Variants in LARP4 observed in about 807,000 individuals in gnomAD.
LARP4 encodes la-related protein 4.
LARP4 carries 29 observed loss-of-function variants against 92.9 expected under a neutral mutation model. That is an observed-to-expected ratio of 0.31 (90% CI 0.23 to 0.43). The LOEUF is 0.43. Among genes scored for constraint, LARP4 ranks in the 20% least tolerant of loss-of-function variants. LARP4 has a pLI of 1.00. For synonymous variants in LARP4, 279 were observed against 284.1 expected, an observed-to-expected ratio of 0.98 and a Z score of 0.18; for missense variants, 732 against 860.0, an observed-to-expected ratio of 0.85 and a Z score of 1.86.
In LARP4 at chr12:50,477,150, A is replaced by G. The variant is rs760781480; in HGVS notation, c.*1286A>G. ...GGAATTCACTGAAACAGTACCAGCA[A>G]GTCATGAGATTTTTTAGTAAAGATG... On this transcript the variant is annotated 3_prime_UTR_variant, in exon 16 of 16. Transcript: ENST00000398473. The G allele has an allele frequency of 6.6e-5, 10 of 152,566 alleles. No individual in the cohort carries two copies. The highest frequency in any genetic ancestry group is 1.5e-4 in the Non-Finnish European group (10 of 68,006). The allele number at this position is 152,566 out of a possible 1,614,324, so 9.5% of individuals were successfully genotyped here.
intron 1 of LARP4, among the ~76,000 whole-genome samples, chr12:50,415,233 A>G (rs1386639078): frequency 2.0e-5 from 3 of 152,062 alleles, no homozygotes; most frequent in Non-Finnish European, 1.5e-5. Flanking sequence ...ATAAAATAAA[A>G]TGTATAGTCT....
intron 1 of LARP4, among the ~76,000 whole-genome samples, chr12:50,413,428 CAGAT>C (rs1198086019): frequency 6.6e-6 from 1 of 152,114 alleles, no homozygotes; most frequent in Non-Finnish European, 1.5e-5. Context: ...TACAGTATCA[CAGAT>C]AGTGAACATT....
intron 1 of LARP4, among the ~76,000 whole-genome samples, chr12:50,412,797 A>G (rs1030070277): frequency 1.3e-5 from 2 of 152,218 alleles, no homozygotes; most frequent in Non-Finnish European, 2.9e-5. Context: ...ATGTTGGCAG[A>G]TAGTTTAGCA....
chr12:50,442,125 C>T (rs1346726286), intron 8 of LARP4, among the ~76,000 whole-genome samples: 1 of 152,166 alleles, frequency 6.6e-6, no homozygotes, highest in East Asian at 1.9e-4. Context: ...CATAAAAATA[C>T]TTTGTGTACA....
chr12:50,471,260 C>T (rs1177586133), intron 13 of LARP4, among the ~76,000 whole-genome samples: 2 of 152,098 alleles, frequency 1.3e-5, no homozygotes, highest in Non-Finnish European at 2.9e-5. Flanking sequence ...GGTGATAAAA[C>T]GGGGTGCCTG....
intron 8 of LARP4, among the ~76,000 whole-genome samples, chr12:50,449,258 TA>T (rs1300074847): frequency 2.0e-5 from 3 of 152,150 alleles, no homozygotes; most frequent in South Asian, 4.1e-4. Context: ...GAAAGTAAAA[TA>T]AAAAATAAAA....
chr12:50,470,454 A>T (rs1381572072), intron 13 of LARP4, among the ~76,000 whole-genome samples: 3 of 149,798 alleles, frequency 2.0e-5, no homozygotes, highest in Non-Finnish European at 4.4e-5. Context: ...TTTTTTTGAG[A>T]TGGAGTTTTG....
intron 1 of LARP4, among the ~76,000 whole-genome samples, chr12:50,415,291 C>T (rs959425361): frequency 6.6e-6 from 1 of 152,128 alleles, no homozygotes; most frequent in Non-Finnish European, 1.5e-5. Context: ...TACTGCTTAT[C>T]TTTATGCCAT....
At chr12:50,438,127 A>G (rs975482671) in intron 6 of LARP4, among the ~76,000 whole-genome samples, 22 of 152,238 alleles carry the variant, frequency 1.4e-4, no homozygotes, top group African/African-American at 5.1e-4. Context: ...ATGGCAACTA[A>G]TATATAAATA....
intron 8 of LARP4, among the ~76,000 whole-genome samples, chr12:50,447,797 C>T (rs1228100088): frequency 6.6e-6 from 1 of 152,090 alleles, no homozygotes; most frequent in Admixed American, 6.6e-5. Flanking sequence ...GATCTTCCCA[C>T]GTTGGTCTCC....
chr12:50,431,921 C>G (rs1448464700), intron 4 of LARP4, among the ~76,000 whole-genome samples: 1 of 152,084 alleles, frequency 6.6e-6, no homozygotes, highest in Non-Finnish European at 1.5e-5. Flanking sequence ...GGTGGATCAC[C>G]TGAGGTCAGG....
chr12:50,461,072 A>G (rs1191484375), intron 10 of LARP4, 63 bp from the exon 11 acceptor site: 1 of 1,396,146 alleles, frequency 7.2e-7, no homozygotes, highest in Non-Finnish European at 1.0e-6. Flanking sequence ...TTTTTTACCT[A>G]AGGAAAGATG....
chr12:50,444,673 T>A (rs907497390), intron 8 of LARP4, among the ~76,000 whole-genome samples: 1 of 152,310 alleles, frequency 6.6e-6, no homozygotes, highest in South Asian at 2.1e-4. Context: ...GTTCTGTGAT[T>A]TAGAAGTGAT....
chr12:50,416,309 GATCTT>G (rs1305685164), intron 1 of LARP4: 1 of 152,184 alleles, frequency 6.6e-6, no homozygotes, highest in Non-Finnish European at 1.5e-5. Context: ...TATTTTGGGT[GATCTT>G]ATCTTTGCAT....
intron 12 of LARP4, among the ~76,000 whole-genome samples, chr12:50,463,359 G>A (rs181339771): frequency 4.9e-5 from 7 of 143,970 alleles, no homozygotes; most frequent in Admixed American, 3.7e-4. Context: ...TGAGATGTAC[G>A]GATCACTTGA....
intron 8 of LARP4, among the ~76,000 whole-genome samples, chr12:50,449,910 T>C (rs139977926): frequency 7.1e-4 from 106 of 149,014 alleles, no homozygotes; most frequent in Admixed American, 2.4e-3. Context: ...CCTTTTGTTA[T>C]ACAGCCATAG....
Position 50,427,919 on chromosome 12 carries a change from A to C in LARP4, c.166+10A>C, listed in dbSNP as rs772904328. 1 of 1,563,604 alleles carries C rather than the reference A, an allele frequency of 6.4e-7. No individual in the cohort carries two copies. Among genetic ancestry groups the C allele is most frequent in the Non-Finnish European group, 8.7e-7 (1 of 1,148,552 alleles). The stretch of plus-strand genomic sequence containing the variant: ...GGTGCTCATCCTGAGGGTAAGTCTT[A>C]AATATTTGGTCATAAAAATCACAGT... On this transcript the variant is annotated intron_variant, in intron 2 of 15. Transcript: ENST00000398473.
At chr12:50,440,654 T>C (rs1480702251) in intron 7 of LARP4, 105 bp downstream of exon 7, 2 of 718,780 alleles carry the variant, frequency 2.8e-6, no homozygotes, top group Non-Finnish European at 2.4e-6. Flanking sequence ...TTATCAAGAC[T>C]AGTGAGTACC....
At chr12:50,444,232 T>G (rs1951678394) in intron 8 of LARP4, among the ~76,000 whole-genome samples, 1 of 132,316 alleles carries the variant, frequency 7.6e-6, no homozygotes, top group Non-Finnish European at 1.7e-5. Flanking sequence ...TTTTGGTTGC[T>G]TTTTCTTCTT....
Sources: gnomAD v4.1 joint callset for allele counts (sites outside exome capture counted in the v4.1 genomes callset) on GRCh38, gnomAD v4.1.1 for gene constraint, MANE v1.5 for transcripts, NCBI Gene and HGNC (gene_info 2026-07-23, HGNC 2026-07-21) for gene names.